PGPEP1L: variants seen among roughly 807,000 people sequenced by gnomAD.
PGPEP1L encodes the protein pyroglutamyl-peptidase 1-like protein.
In PGPEP1L, 7 loss-of-function variants were observed where a neutral mutation model predicts 6.0. The ratio of observed to expected loss-of-function variants is 1.17; its 90% CI spans 0.66 to 2.19. The LOEUF (loss-of-function observed/expected upper bound fraction) is 2.19, where lower values mean the gene tolerates loss of function less well. Among genes scored for constraint, PGPEP1L ranks in the 30% most tolerant of loss-of-function variants. PGPEP1L has a pLI of 0.00. For missense variants in PGPEP1L, 209 were observed against 192.5 expected (o/e 1.09, Z -0.51); for synonymous variants, 103 against 83.9 (o/e 1.23, Z -1.24).
chr15:98,991,917 ACT>A (rs1210962113), intron 2 of PGPEP1L, among the ~76,000 whole-genome samples: 1 of 152,066 alleles, frequency 6.6e-6, no homozygotes, highest in Non-Finnish European at 1.5e-5. Context: ...CATGCTAAAA[ACT>A]CTCAATAAAC....
At chr15:99,004,976 G>A (rs1450319261) in intron 2 of PGPEP1L, among the ~76,000 whole-genome samples, 3 of 151,942 alleles carry the variant, frequency 2.0e-5, no homozygotes, top group Non-Finnish European at 2.9e-5. Flanking sequence ...GTTCCTTTGC[G>A]GGTGGCTGTT....
At chr15:98,991,576 A>G (rs2017820490) in intron 2 of PGPEP1L, among the ~76,000 whole-genome samples, 1 of 151,934 alleles carries the variant, frequency 6.6e-6, no homozygotes, top group African/African-American at 2.4e-5. Context: ...CCAAATAGAT[A>G]GAGGGAATCC....
At chr15:99,000,002 A>T (rs2017937972) in intron 2 of PGPEP1L, among the ~76,000 whole-genome samples, 1 of 152,236 alleles carries the variant, frequency 6.6e-6, no homozygotes, top group Non-Finnish European at 1.5e-5. Flanking sequence ...CTTTCTGGGC[A>T]GGCCAAGGCC....
chr15:98,969,702 T>TG (rs1243314689), intron 3 of PGPEP1L, 51 bp from the exon 4 acceptor site: 3 of 1,578,524 alleles, frequency 1.9e-6, no homozygotes, highest in African/African-American at 2.7e-5. Context: ...AGGCCCACCC[T>TG]GCTCACCAAA....
intron 2 of PGPEP1L, among the ~76,000 whole-genome samples, chr15:98,981,353 G>A (rs975890157): frequency 1.3e-5 from 2 of 151,956 alleles, no homozygotes; most frequent in Non-Finnish European, 2.9e-5. Flanking sequence ...AGCCGGGCGT[G>A]CTGGCGGGCG....
intron 2 of PGPEP1L, among the ~76,000 whole-genome samples, chr15:98,980,293 A>G (rs2017639239): frequency 6.6e-6 from 1 of 152,218 alleles, no homozygotes; most frequent in Non-Finnish European, 1.5e-5. Flanking sequence ...TGGAGCAGAG[A>G]AACCTGAACG....
chr15:98,988,482 C>G (rs188383514), intron 2 of PGPEP1L, among the ~76,000 whole-genome samples: 1 of 152,220 alleles, frequency 6.6e-6, no homozygotes, highest in Non-Finnish European at 1.5e-5. Context: ...AAAAAGGCAG[C>G]AGCCCCAGTC....
At chr15:99,002,560 G>GA (rs2017988726) in intron 2 of PGPEP1L, among the ~76,000 whole-genome samples, 1 of 152,168 alleles carries the variant, frequency 6.6e-6, no homozygotes, top group South Asian at 2.1e-4. Flanking sequence ...CTTTTATATT[G>GA]AAAATGTTAA....
intron 1 of PGPEP1L, among the ~76,000 whole-genome samples, chr15:99,007,105 C>T (rs1222633135): frequency 3.3e-5 from 5 of 152,184 alleles, no homozygotes; most frequent in Admixed American, 2.6e-4. Context: ...GGAACAATTC[C>T]CTTTAATTAG....
chr15:98,985,991 A>C (rs2017741205), intron 2 of PGPEP1L, among the ~76,000 whole-genome samples: 1 of 152,208 alleles, frequency 6.6e-6, no homozygotes, highest in Admixed American at 6.5e-5. Flanking sequence ...TTCAGGATGA[A>C]ATTAATGTCT....
At chr15:98,994,514 G>A (rs918424067) in intron 2 of PGPEP1L, among the ~76,000 whole-genome samples, 12 of 152,084 alleles carry the variant, frequency 7.9e-5, no homozygotes, top group African/African-American at 1.9e-4. Context: ...AATTAGCCAG[G>A]CATGGTGGCA....
At chr15:98,992,973 A>C (rs1300320853) in intron 2 of PGPEP1L, among the ~76,000 whole-genome samples, 1 of 152,174 alleles carries the variant, frequency 6.6e-6, no homozygotes, top group Non-Finnish European at 1.5e-5. Flanking sequence ...CTTAAACGTA[A>C]GAAACATAAG....
At chr15:98,999,222 A>G (rs539146594) in intron 2 of PGPEP1L, among the ~76,000 whole-genome samples, 34 of 152,328 alleles carry the variant, frequency 2.2e-4, no homozygotes, top group African/African-American at 4.6e-4. Context: ...TATATAAAAT[A>G]CATAAAGAAC....
intron 2 of PGPEP1L, among the ~76,000 whole-genome samples, chr15:98,982,051 G>A (rs904193025): frequency 6.6e-6 from 1 of 152,210 alleles, no homozygotes; most frequent in Non-Finnish European, 1.5e-5. Context: ...GGTTTAGCTA[G>A]AACTAAACAT....
At chr15:98,996,667 G>T (rs1016998050) in intron 2 of PGPEP1L, among the ~76,000 whole-genome samples, 1 of 152,098 alleles carries the variant, frequency 6.6e-6, no homozygotes, top group Non-Finnish European at 1.5e-5. Flanking sequence ...ATGCATGCAC[G>T]TGTGTATGCC....
At chr15:99,005,313 G>A (rs548851443) in intron 2 of PGPEP1L, 116 bp downstream of exon 2, 1 of 152,436 alleles carries the variant, frequency 6.6e-6, no homozygotes, top group Non-Finnish European at 1.5e-5. Flanking sequence ...ACCACCAGTT[G>A]CCATTCTTTT....
intron 2 of PGPEP1L, among the ~76,000 whole-genome samples, chr15:98,980,107 C>T (rs2017635815): frequency 6.6e-6 from 1 of 152,028 alleles, no homozygotes; most frequent in Admixed American, 6.6e-5. Flanking sequence ...TGATGCTGCA[C>T]CAAAATCTCA....
chr15:99,006,781 G>A (rs1181552038), intron 1 of PGPEP1L, among the ~76,000 whole-genome samples: 3 of 149,830 alleles, frequency 2.0e-5, no homozygotes, highest in South Asian at 2.1e-4. Flanking sequence ...CTGGGTGACA[G>A]AGTGAGACCC....
At chr15:98,986,263 G>A (rs1181049231) in intron 2 of PGPEP1L, among the ~76,000 whole-genome samples, 3 of 152,188 alleles carry the variant, frequency 2.0e-5, no homozygotes, top group African/African-American at 7.2e-5. Context: ...TTCAGGATGG[G>A]ATCTGGCCAC....
Sources: allele counts gnomAD v4.1 joint callset (sites outside exome capture counted in the v4.1 genomes callset), GRCh38; gene constraint gnomAD v4.1.1; transcripts MANE v1.5; gene names NCBI Gene and HGNC (gene_info 2026-07-23, HGNC 2026-07-21).